Variants in SRCIN1 observed in about 807,000 individuals in gnomAD.
The protein encoded by SRCIN1 is SRC kinase signaling inhibitor 1.
A neutral mutation model predicts 116.2 loss-of-function variants in SRCIN1; 50 were observed. The ratio of observed to expected loss-of-function variants is 0.43; its 90% CI spans 0.34 to 0.54. SRCIN1 has a LOEUF of 0.54. Ranked by LOEUF, SRCIN1 falls within the 20% of genes least tolerant of loss-of-function variation. The probability of loss-of-function intolerance (pLI) is 0.02; values close to 1 mark genes in which losing one functional copy is unlikely to be tolerated. For synonymous variants in SRCIN1, 736 were observed against 750.0 expected, an observed-to-expected ratio of 0.98 and a Z score of 0.30; for missense variants, 1,446 against 1,672.0, an observed-to-expected ratio of 0.86 and a Z score of 2.36.
In SRCIN1 at chr17:38,531,867, GT is replaced by G. The variant is rs1190434111; in HGVS notation, c.*1429del. On this transcript the variant is annotated 3_prime_UTR_variant, in exon 19 of 19. Coordinates refer to ENST00000617146, the MANE Select transcript of SRCIN1 (RefSeq NM_025248.3). Reference sequence around the variant, plus strand: ...TGCTTGCTATGGGGGACTGATTCTAGTCCCCCTCCCCTGTGCTTACTTCACT... The same window carrying G: ...TGCTTGCTATGGGGGACTGATTCTAGCCCCCTCCCCTGTGCTTACTTCACT... 6.6e-6 allele frequency: 1 copy of G among 152,640 alleles called. No homozygotes were observed. The highest frequency in any genetic ancestry group is 2.4e-5 in the African/African-American group (1 of 41,410). 9.5% of individuals were successfully genotyped at this position (152,640 alleles called of 1,614,324 possible).
At position 38,543,815 on chromosome 17, in the gene SRCIN1, G is replaced by T. The variant is rs748586313; in HGVS notation, c.3417+8C>A. 6.2e-7 allele frequency: 1 copy of T among 1,603,800 alleles called. No individual in the cohort carries two copies. Among genetic ancestry groups the T allele is most frequent in the South Asian group, 1.1e-5 (1 of 90,920 alleles). ...GGCCTGGGTGGCCCCCACAGTCCCC[G>T]CCCTCACCTGCTGCTGGGCCTGGAT... On this transcript the variant is annotated splice_region_variant and intron_variant, in intron 18 of 18. Coordinates refer to ENST00000617146, the MANE Select transcript of SRCIN1 (RefSeq NM_025248.3).
Position 38,604,588 on chromosome 17 carries a change from C to A in SRCIN1, c.22+1096G>T, listed in dbSNP as rs1310962046. 2 of 450,742 alleles carry A rather than the reference C, an allele frequency of 4.4e-6. No individual in the cohort carries two copies. Among genetic ancestry groups the A allele is most frequent in the Admixed American group, 2.4e-5 (1 of 42,078 alleles). 27.9% of individuals were successfully genotyped at this position (450,742 alleles called of 1,614,324 possible). ...AGGCCAGGGCAAAGCGCCGGAGGCA[C>A]TGCCAGGGCTGCATGGGGACGCGTG... On this transcript the variant is annotated intron_variant, in intron 1 of 18. Coordinates refer to ENST00000617146, the MANE Select transcript of SRCIN1 (RefSeq NM_025248.3). This position sits in a 1 kb window ranked among gnomAD's most constrained non-coding sequence, Gnocchi z 4.3.
chr17:38,593,137 G>A (rs1044877333), intron 1 of SRCIN1, among the ~76,000 whole-genome samples: 5 of 152,166 alleles, frequency 3.3e-5, no homozygotes, highest in East Asian at 1.9e-4. Flanking sequence ...CTGGGAGATC[G>A]GAGGGGCGAG....
At position 38,562,011 on chromosome 17, in the gene SRCIN1, C is replaced by T. The variant is rs1906291172; in HGVS notation, c.1152G>A (p.Ala384=). 2.7e-6 allele frequency: 4 copies of T among 1,493,570 alleles called. No individual in the cohort carries two copies. In the African/African-American group the frequency reaches 5.8e-5, roughly 22 times the overall value. 92.5% of individuals were successfully genotyped at this position (1,493,570 alleles called of 1,614,324 possible). A position where few individuals can be genotyped will look rare whatever the true frequency, so the allele number is the denominator to read the frequency against. ...VKPDEDLASK[A]GGMVLVKGEG... is the part of the protein sequence containing the mutation. ...CGCCTTTCACCAGCACCATGCCGCC[C>T]GCCTTGCTCGCCAGGTCCTCGTCCG... Residue 384 remains alanine, a synonymous_variant, in exon 7 of 19, where the codon GCG becomes GCA. Coordinates refer to ENST00000617146, the MANE Select transcript of SRCIN1 (RefSeq NM_025248.3). This position sits in a 1 kb window ranked among gnomAD's most constrained non-coding sequence, Gnocchi z 4.2.
chr17:38,538,912 T>C (rs1904557858), intron 18 of SRCIN1, among the ~76,000 whole-genome samples: 1 of 151,512 alleles, frequency 6.6e-6, no homozygotes, highest in South Asian at 2.1e-4. Context: ...TGCAAACGGA[T>C]AACAGGCCCC....
intron 18 of SRCIN1, among the ~76,000 whole-genome samples, chr17:38,540,883 G>A (rs1461092702): frequency 6.6e-6 from 1 of 152,272 alleles, no homozygotes; most frequent in Non-Finnish European, 1.5e-5. Context: ...TTAGAAGACC[G>A]TGCATGTTGG....
rs1478806960 is a variant in SRCIN1, at chr17:38,590,995, A to G, written c.23-12204T>C. On this transcript the variant is annotated intron_variant, in intron 1 of 18. Coordinates refer to ENST00000617146, the MANE Select transcript of SRCIN1 (RefSeq NM_025248.3). ...CAGGGCTGGAGGAGAGGGAGGAAGC[A>G]GAGCCACCCCCAGATCACAGAAACT... Among the ~76,000 whole-genome samples, 3 of 152,230 alleles carry G rather than the reference A, an allele frequency of 2.0e-5. No individual in the cohort carries two copies. The East Asian group carries it at 5.8e-4, about 29-fold the overall frequency.
rs1225659560 is a variant in SRCIN1, at chr17:38,568,269, G to A, written c.325-38C>T. The A allele has an allele frequency of 6.2e-7, 1 of 1,608,988 alleles. No individual in the cohort carries two copies. The highest frequency in any genetic ancestry group is 1.1e-5 in the South Asian group (1 of 89,838). On this transcript the variant is annotated intron_variant, in intron 2 of 18. Transcript: ENST00000617146. This position sits in a 1 kb window ranked among gnomAD's most constrained non-coding sequence, Gnocchi z 4.5. The stretch of plus-strand genomic sequence containing the variant: ...ATAAGAGAAGAGATGGTTATGAGGG[G>A]GCCCAGGAGGGGAAAAGAGGGGCAG...
rs1472991122 is a variant in SRCIN1, at chr17:38,562,648, G to T, written c.834+179C>A. On this transcript the variant is annotated intron_variant, in intron 6 of 18. Coordinates refer to ENST00000617146, the MANE Select transcript of SRCIN1 (RefSeq NM_025248.3). This position sits in a 1 kb window ranked among gnomAD's most constrained non-coding sequence, Gnocchi z 4.2. ...AGGCAAGTTAGCAAAATCCCGAGTG[G>T]ACAGGCCCGGAATGGAGGGGAAAGT... 6.6e-6 allele frequency among the ~76,000 whole-genome samples: 1 copy of T among 152,244 alleles called. No homozygotes were observed. The highest frequency in any genetic ancestry group is 2.4e-5 in the African/African-American group (1 of 41,468).
Position 38,548,711 on chromosome 17 carries a change from T to C in SRCIN1, c.3118-2A>G. ...CTCCAGCTCCTCGGACTCAGCCTTC[T>C]GCAAGGCCCGGGACTCCTGTCAAGG... On this transcript the variant is annotated splice_acceptor_variant, in intron 16 of 18. Coordinates refer to ENST00000617146, the MANE Select transcript of SRCIN1 (RefSeq NM_025248.3). LOFTEE classifies it high-confidence loss of function. 1 of 1,593,844 alleles carries C rather than the reference T, an allele frequency of 6.3e-7. No homozygotes were observed. The highest frequency in any genetic ancestry group is 8.5e-7 in the Non-Finnish European group (1 of 1,171,984).
Position 38,558,139 on chromosome 17 carries a change from G to C in SRCIN1, c.2201+88C>G, listed in dbSNP as rs1012967758. 2.8e-6 allele frequency: 4 copies of C among 1,451,732 alleles called. No individual in the cohort carries two copies. The highest frequency in any genetic ancestry group is 2.3e-5 in the East Asian group (1 of 43,574). 89.9% of individuals were successfully genotyped at this position (1,451,732 alleles called of 1,614,324 possible). On this transcript the variant is annotated intron_variant, in intron 11 of 18. Coordinates refer to ENST00000617146, the MANE Select transcript of SRCIN1 (RefSeq NM_025248.3). The surrounding 1 kb of genome is among the most constrained non-coding windows in gnomAD (Gnocchi z 4.6). ...ACCAACGCCACCTGTGACTCAGAGG[G>C]AAGGGAGCTGCGCCTCCCAGGGAAA... is the stretch of plus-strand genomic sequence containing the variant.
intron 18 of SRCIN1, among the ~76,000 whole-genome samples, chr17:38,540,306 T>C (rs1335402637): frequency 6.6e-6 from 1 of 152,188 alleles, no homozygotes; most frequent in Non-Finnish European, 1.5e-5. Flanking sequence ...CCAATTTCTG[T>C]GTCCCTGATC....
rs1300409300 is a variant in SRCIN1 at position 38,563,042 on chromosome 17, C to A, written c.741-122G>T. The A allele has an allele frequency of 1.6e-5, 14 of 874,092 alleles. No homozygotes were observed. Among genetic ancestry groups the A allele is most frequent in the Non-Finnish European group, 2.3e-5 (13 of 555,508 alleles). The allele number at this position is 874,092 out of a possible 1,614,324, so 54.1% of individuals were successfully genotyped here. A position where few individuals can be genotyped will look rare whatever the true frequency, so the allele number is the denominator to read the frequency against. On this transcript the variant is annotated intron_variant, in intron 5 of 18. Transcript: ENST00000617146. The surrounding 1 kb of genome is among the most constrained non-coding windows in gnomAD (Gnocchi z 5.8). ...GAGGCACCGGGAGCCCCATCTCAGG[C>A]TGCCTGCACACACGCCCAGCAGCCT... is the stretch of plus-strand genomic sequence containing the variant.
chr17:38,559,681 G>C lies in SRCIN1; in HGVS notation c.1929C>G (p.Thr643=), dbSNP rs779403189. ...SASSTPAGQP[T]AVSRLQMQLH... is the part of the protein sequence containing the mutation. ...GCTGCATCTGCAGCCGGCTAACGGC[G>C]GTAGGCTGACCTGCGGGGGTGCTGC... The change falls in exon 10 of 19, where the codon ACC becomes ACG. Residue 643 remains threonine, a synonymous_variant. Transcript: ENST00000617146. The C allele has an allele frequency of 3.1e-6, 5 of 1,598,886 alleles. No individual in the cohort carries two copies. Among genetic ancestry groups the C allele is most frequent in the Non-Finnish European group, 4.2e-6 (5 of 1,178,234 alleles).
chr17:38,551,687 T>C (rs929036297), intron 14 of SRCIN1, 199 bp downstream of exon 14: 5 of 805,158 alleles, frequency 6.2e-6, no homozygotes, highest in South Asian at 3.5e-5. Flanking sequence ...GCTTTGATTA[T>C]TGTAGCTTTA....
At chr17:38,603,502 A>G (rs970914975) in intron 1 of SRCIN1, among the ~76,000 whole-genome samples, 2 of 152,064 alleles carry the variant, frequency 1.3e-5, no homozygotes, top group Admixed American at 6.5e-5. Context: ...TTCCAGATAG[A>G]GCTCCAGGGC....
chr17:38,561,566 C>T lies in SRCIN1; in HGVS notation c.1597G>A (p.Ala533Thr), dbSNP rs1233826271. The T allele has an allele frequency of 1.9e-6, 3 of 1,600,782 alleles. No homozygotes were observed. Among genetic ancestry groups the T allele is most frequent in the South Asian group, 2.2e-5 (2 of 90,290 alleles). The change falls in exon 7 of 19, where the codon GCC (alanine) becomes ACC (threonine). Residue 533 changes from alanine (A) to threonine (T), a missense_variant. Around this residue, in one of 5 missense-constraint regions of SRCIN1, gnomAD observed 398 missense variants for 385.6 expected, o/e 1.03. Transcript: ENST00000617146. Reference protein sequence around the residue: ...PGGKTRSAGSASTAGAPPSEL... With the variant: ...PGGKTRSAGSTSTAGAPPSEL... ...GAAGGGGGAGCTCCGGCCGTCGAGG[C>T]GCTCCCCGCGCTGCGGGTCTTCCCT... is the stretch of plus-strand genomic sequence containing the variant.
At chr17:38,549,021 GTC>G (rs1268322370) in intron 16 of SRCIN1, 33 bp downstream of exon 16, 1 of 1,610,616 alleles carries the variant, frequency 6.2e-7, no homozygotes, top group South Asian at 1.1e-5. Context: ...TCCTAACTCA[GTC>G]CCCTGGCCCT....
chr17:38,578,570 C>T lies in SRCIN1; in HGVS notation c.244G>A (p.Ala82Thr), dbSNP rs1907580031. 1 of 1,611,898 alleles carries T rather than the reference C, an allele frequency of 6.2e-7. No individual in the cohort carries two copies. The highest frequency in any genetic ancestry group is 1.1e-5 in the South Asian group (1 of 91,034). Residue 82 changes from alanine to threonine, a missense_variant, in exon 2 of 19, where the codon GCC becomes ACC. This residue lies in a region of SRCIN1 where 246 missense variants were observed against 265.1 expected (regional missense o/e 0.93). Transcript: ENST00000617146. Reference sequence around the variant, plus strand: ...TTGCTCTTCAGGTGGTCCATGAAGGCATCACGCTTGCGGTCGGCGTCCGCC... The same window carrying T: ...TTGCTCTTCAGGTGGTCCATGAAGGTATCACGCTTGCGGTCGGCGTCCGCC... ...QKADADRKRD[A>T]FMDHLKSKYP... is the part of the protein sequence containing the mutation.
Sources: gnomAD v4.1 joint callset for allele counts (sites outside exome capture counted in the v4.1 genomes callset) on GRCh38, gnomAD v4.1.1 for gene constraint, gnomAD v4.1.1 regional missense constraint, Gnocchi (gnomAD v3.1) non-coding constraint, MANE v1.5 for transcripts, NCBI Gene and HGNC (gene_info 2026-07-23, HGNC 2026-07-21) for gene names.